Variants in CCDC57 observed in about 807,000 individuals in gnomAD.
The protein encoded by CCDC57 is coiled-coil domain-containing protein 57.
A neutral mutation model predicts 118.9 loss-of-function variants in CCDC57; 118 were observed. The observed-to-expected ratio is 0.99, with a 90% CI of 0.86 to 1.16. The LOEUF (loss-of-function observed/expected upper bound fraction) is 1.16. Among genes scored for constraint, CCDC57 ranks in the 50% most tolerant of loss-of-function variants. CCDC57 has a pLI of 0.00. For missense variants in CCDC57, 1,300 were observed against 1,320.7 expected (o/e 0.98, Z 0.24); for synonymous variants, 527 against 532.9 (o/e 0.99, Z 0.15).
At chr17:82,211,173 C>A (rs923195080) in intron 1 of CCDC57, among the ~76,000 whole-genome samples, 14 of 152,298 alleles carry the variant, frequency 9.2e-5, no homozygotes, top group African/African-American at 3.4e-4. Flanking sequence ...CTAGCACCAA[C>A]AGCCAGGGGC....
intron 3 of CCDC57, among the ~76,000 whole-genome samples, chr17:82,199,404 G>A (rs559750342): frequency 7.6e-5 from 11 of 145,238 alleles, no homozygotes; most frequent in Non-Finnish European, 1.3e-4. Flanking sequence ...CTTGAACCCC[G>A]GAGGCAGAGG....
At chr17:82,173,518 C>T (rs1217237331) in intron 11 of CCDC57, among the ~76,000 whole-genome samples, 2 of 152,150 alleles carry the variant, frequency 1.3e-5, no homozygotes, top group African/African-American at 4.8e-5. Flanking sequence ...AGACAGGAGA[C>T]GCGTCTACAA....
chr17:82,114,344 G>T (rs147746594), intron 19 of CCDC57, among the ~76,000 whole-genome samples: 2 of 152,200 alleles, frequency 1.3e-5, no homozygotes, highest in Non-Finnish European at 1.5e-5. Flanking sequence ...GGCTGGGTGA[G>T]GGGGGAGGGA....
exon 20 of CCDC57, chr17:82,101,562 C>G (rs764129708): frequency 2.1e-4 from 177 of 851,652 alleles, no homozygotes; most frequent in Non-Finnish European, 2.6e-4. Context: ...GCCTGCCCTG[C>G]AGCTCCCTGC....
intron 13 of CCDC57, among the ~76,000 whole-genome samples, chr17:82,170,189 G>A (rs1423902059): frequency 6.6e-6 from 1 of 152,070 alleles, no homozygotes; most frequent in South Asian, 2.1e-4. Context: ...AGGTCCTAAG[G>A]CTGGGGCCCT....
chr17:82,188,570 C>T (rs570748389), intron 7 of CCDC57, among the ~76,000 whole-genome samples, 151 bp from the exon 7 acceptor site: 1 of 152,366 alleles, frequency 6.6e-6, no homozygotes, highest in African/African-American at 2.4e-5. Flanking sequence ...GCCACCTGTT[C>T]CTCATTCCTC....
chr17:82,150,738 C>T (rs1396100581), intron 16 of CCDC57, among the ~76,000 whole-genome samples: 1 of 87,746 alleles, frequency 1.1e-5, no homozygotes, highest in Non-Finnish European at 2.2e-5. Flanking sequence ...GGCACACACC[C>T]AGAACCTGAC....
At chr17:82,169,270 GTGCC>G in intron 13 of CCDC57, among the ~76,000 whole-genome samples, 1 of 152,214 alleles carries the variant, frequency 6.6e-6, no homozygotes, top group South Asian at 2.1e-4. Flanking sequence ...GGGATTACAG[GTGCC>G]TGCCACCACG....
rs2041037358 is a variant in CCDC57 at position 82,147,886 on chromosome 17, GGA to G, written c.2455+3672_2455+3673del. On this transcript the variant is annotated intron_variant, in intron 16 of 19. Transcript: ENST00000665763. ...TGAATGGATGAATGGGTGGGTGGAT[GGA>G]TGGATGGATAGATAGGTGGGTGGAT... Among the ~76,000 whole-genome samples, 6 of 89,096 alleles carry G rather than the reference GGA, an allele frequency of 6.7e-5. 1 individual carries two copies. Among genetic ancestry groups the G allele is most frequent in the African/African-American group, 2.7e-4 (6 of 22,310 alleles). 58.5% of individuals were successfully genotyped at this position (89,096 alleles called of 152,430 possible).
chr17:82,151,145 C>CCACACCCAGAACCAGA (rs2041968347), intron 16 of CCDC57, among the ~76,000 whole-genome samples: 1 of 116,356 alleles, frequency 8.6e-6, no homozygotes, highest in Non-Finnish European at 1.8e-5. Flanking sequence ...AGAACCTGAC[C>CCACACCCAGAACCAGA]CGCACCTAGA....
intron 18 of CCDC57, among the ~76,000 whole-genome samples, chr17:82,128,152 T>C (rs977356386): frequency 1.3e-4 from 20 of 152,006 alleles, no homozygotes; most frequent in African/African-American, 4.8e-4. Flanking sequence ...GTCTCAACAC[T>C]TAAATGACAA....
chr17:82,126,725 G>T, intron 19 of CCDC57: 1 of 985,450 alleles, frequency 1.0e-6, no homozygotes. Context: ...GACTACGCAA[G>T]CCCCTGGGGC....
intron 7 of CCDC57, among the ~76,000 whole-genome samples, chr17:82,188,800 A>T (rs1325219212): frequency 1.3e-5 from 2 of 152,248 alleles, no homozygotes; most frequent in Non-Finnish European, 2.9e-5. Flanking sequence ...GCAGCCAGCC[A>T]GGTCTACGGA....
chr17:82,121,882 A>G (rs1209212105), intron 19 of CCDC57, among the ~76,000 whole-genome samples: 1 of 152,188 alleles, frequency 6.6e-6, no homozygotes, highest in African/African-American at 2.4e-5. Context: ...TCACTTTCAT[A>G]TCCTGTCCTG....
intron 3 of CCDC57, among the ~76,000 whole-genome samples, chr17:82,198,658 T>G (rs528024048): frequency 1.3e-5 from 2 of 150,674 alleles, no homozygotes; most frequent in African/African-American, 4.9e-5. Context: ...ACCCAAAATG[T>G]CCAGGATACA....
At chr17:82,125,791 A>G (rs2037338246) in intron 19 of CCDC57, among the ~76,000 whole-genome samples, 1 of 152,260 alleles carries the variant, frequency 6.6e-6, no homozygotes, top group African/African-American at 2.4e-5. Context: ...CAGACATGTA[A>G]AAGGACCAGG....
At chr17:82,102,799 C>T (rs940887965) in intron 19 of CCDC57, among the ~76,000 whole-genome samples, 1 of 151,762 alleles carries the variant, frequency 6.6e-6, no homozygotes, top group Non-Finnish European at 1.5e-5. Context: ...GCAGCGGAGT[C>T]GCTTGAACCC....
At chr17:82,108,290 A>G (rs1323923649) in intron 19 of CCDC57, among the ~76,000 whole-genome samples, 1 of 152,104 alleles carries the variant, frequency 6.6e-6, no homozygotes, top group East Asian at 1.9e-4. Context: ...AGAGCACCTG[A>G]CCTGTGATCC....
chr17:82,123,305 T>C (rs1299223275), intron 19 of CCDC57, among the ~76,000 whole-genome samples: 2 of 149,068 alleles, frequency 1.3e-5, no homozygotes. Context: ...TTTTTTTTTT[T>C]TTTTTTTGAG....
Sources: gnomAD v4.1 joint callset for allele counts (sites outside exome capture counted in the v4.1 genomes callset) on GRCh38, gnomAD v4.1.1 for gene constraint, MANE v1.5 for transcripts, NCBI Gene and HGNC (gene_info 2026-07-23, HGNC 2026-07-21) for gene names.